OPCML: variants seen among roughly 807,000 people sequenced by gnomAD.
The protein encoded by OPCML is opioid-binding protein/cell adhesion molecule.
Under a neutral mutation model 37.8 loss-of-function variants are expected in OPCML, and 13 were observed. That is an observed-to-expected ratio of 0.34 (90% CI 0.22 to 0.55). The LOEUF (loss-of-function observed/expected upper bound fraction) is 0.55, where lower values mean the gene tolerates loss of function less well. OPCML is among the 20% of genes least tolerant of loss of function. OPCML has a pLI of 0.91. For synonymous variants in OPCML, 176 were observed against 168.8 expected (o/e 1.04, Z -0.33); for missense variants, 341 against 435.6 (o/e 0.78, Z 1.93).
At chr11:132,811,129 T>C (rs1245379348) in intron 2 of OPCML, among the ~76,000 whole-genome samples, 2 of 151,976 alleles carry the variant, frequency 1.3e-5, no homozygotes, top group African/African-American at 2.4e-5. Context: ...TTGCAAAGGG[T>C]TTAGTATCTT....
chr11:132,978,665 A>C (rs2136780790), intron 1 of OPCML, among the ~76,000 whole-genome samples: 1 of 152,312 alleles, frequency 6.6e-6, no homozygotes, highest in East Asian at 1.9e-4. Flanking sequence ...AACAGGGGTC[A>C]GTCTTTGGAT....
chr11:132,849,406 A>T (rs1187790379), intron 2 of OPCML, among the ~76,000 whole-genome samples: 4 of 152,238 alleles, frequency 2.6e-5, no homozygotes, highest in Middle Eastern at 3.4e-3. Flanking sequence ...CACTGAGGAG[A>T]CCCCAGTGAC....
intron 3 of OPCML, among the ~76,000 whole-genome samples, chr11:132,553,406 A>T (rs963607506): frequency 1.3e-5 from 2 of 152,170 alleles, no homozygotes; most frequent in African/African-American, 4.8e-5. Context: ...AAAGATTAGA[A>T]AAAGAAAGGG....
intron 1 of OPCML, among the ~76,000 whole-genome samples, chr11:133,396,446 G>A (rs1373219716): frequency 1.3e-5 from 2 of 151,768 alleles, no homozygotes; most frequent in African/African-American, 2.4e-5. Flanking sequence ...ACATTCCTAT[G>A]AGCAAATCCT....
At chr11:132,617,914 AT>A (rs1276893275) in intron 3 of OPCML, among the ~76,000 whole-genome samples, 1 of 152,246 alleles carries the variant, frequency 6.6e-6, no homozygotes. Flanking sequence ...AGTGGGGATT[AT>A]GGCTTCAATG....
At chr11:132,964,698 C>A (rs993408536) in intron 1 of OPCML, among the ~76,000 whole-genome samples, 1 of 152,192 alleles carries the variant, frequency 6.6e-6, no homozygotes, top group African/African-American at 2.4e-5. Context: ...CGTGACCTTA[C>A]AGTTGGCACC....
At chr11:133,434,250 G>A (rs989605069) in intron 1 of OPCML, among the ~76,000 whole-genome samples, 1 of 152,010 alleles carries the variant, frequency 6.6e-6, no homozygotes, top group Admixed American at 6.6e-5. Context: ...TACTCAAAAT[G>A]TCTATGATGT....
intron 1 of OPCML, among the ~76,000 whole-genome samples, chr11:133,191,789 T>C (rs986960938): frequency 1.3e-5 from 2 of 152,174 alleles, no homozygotes; most frequent in Admixed American, 1.3e-4. Context: ...CCCCCATGCC[T>C]GGCCTGTATC....
intron 4 of OPCML, among the ~76,000 whole-genome samples, chr11:132,510,958 C>G (rs2096267564): frequency 6.6e-6 from 1 of 151,992 alleles, no homozygotes; most frequent in African/African-American, 2.4e-5. Context: ...TATCATGTTA[C>G]TGGAGAACTG....
intron 1 of OPCML, among the ~76,000 whole-genome samples, chr11:133,148,650 GC>G (rs1313720000): frequency 6.6e-6 from 1 of 152,200 alleles, no homozygotes; most frequent in Non-Finnish European, 1.5e-5. Flanking sequence ...AAACATCCAT[GC>G]GCACTTCAGC....
At chr11:133,105,078 G>T (rs1949137268) in intron 1 of OPCML, among the ~76,000 whole-genome samples, 1 of 152,204 alleles carries the variant, frequency 6.6e-6, no homozygotes, top group South Asian at 2.1e-4. Context: ...TTATGGTTTA[G>T]AGAATTGCCT....
chr11:133,451,940 A>G (rs1946588233), intron 1 of OPCML, among the ~76,000 whole-genome samples: 1 of 151,554 alleles, frequency 6.6e-6, no homozygotes, highest in Non-Finnish European at 1.5e-5. Context: ...GGACTCCACA[A>G]TGATTCCTAC....
intron 1 of OPCML, among the ~76,000 whole-genome samples, chr11:133,511,302 C>G (rs1948151432): frequency 6.6e-6 from 1 of 152,172 alleles, no homozygotes; most frequent in Non-Finnish European, 1.5e-5. Flanking sequence ...CAAAGCGAGT[C>G]CTGCTACTCC....
intron 1 of OPCML, among the ~76,000 whole-genome samples, chr11:133,468,655 G>A (rs749525946): frequency 3.9e-5 from 6 of 152,318 alleles, no homozygotes; most frequent in Admixed American, 2.0e-4. Flanking sequence ...GAGCCCTTGC[G>A]GGCACCTTGG....
chr11:132,898,583 C>T (rs537997454), intron 2 of OPCML, among the ~76,000 whole-genome samples: 51 of 152,246 alleles, frequency 3.3e-4, no homozygotes, highest in Non-Finnish European at 6.8e-4. Context: ...GCAAGGTTTT[C>T]CAGAAGGCTG....
At chr11:132,504,593 C>T (rs747564741) in intron 4 of OPCML, among the ~76,000 whole-genome samples, 26 of 151,680 alleles carry the variant, frequency 1.7e-4, no homozygotes, top group Non-Finnish European at 3.7e-4. Flanking sequence ...AGGCGGCTTG[C>T]AGGCTCCAGG....
chr11:132,928,839 T>C (rs1227616316), intron 2 of OPCML, among the ~76,000 whole-genome samples: 2 of 151,946 alleles, frequency 1.3e-5, no homozygotes, highest in Non-Finnish European at 2.9e-5. Flanking sequence ...TCTACAAATA[T>C]GTGTGAATTA....
chr11:133,210,828 T>G (rs916127537), intron 1 of OPCML, among the ~76,000 whole-genome samples: 6 of 152,132 alleles, frequency 3.9e-5, no homozygotes, highest in Non-Finnish European at 8.8e-5. Flanking sequence ...CTGAACTTGC[T>G]CCTTTTTTGA....
chr11:133,241,821 C>A (rs1238241187), intron 1 of OPCML, among the ~76,000 whole-genome samples: 1 of 152,186 alleles, frequency 6.6e-6, no homozygotes, highest in Non-Finnish European at 1.5e-5. Context: ...CAGAACTGCC[C>A]ACTGCCAACA....
Sources: gnomAD v4.1 joint callset for allele counts (sites outside exome capture counted in the v4.1 genomes callset) on GRCh38, gnomAD v4.1.1 for gene constraint, MANE v1.5 for transcripts, NCBI Gene and HGNC (gene_info 2026-07-23, HGNC 2026-07-21) for gene names.